FAT3: variants seen among roughly 807,000 people sequenced by gnomAD.
FAT3 encodes the protein FAT atypical cadherin 3, also known as protocadherin Fat 3.
FAT3 carries 95 observed loss-of-function variants against 310.2 expected under a neutral mutation model. That is an observed-to-expected ratio of 0.31 (90% confidence interval 0.26 to 0.36). The LOEUF (loss-of-function observed/expected upper bound fraction) is 0.36, where lower values mean the gene tolerates loss of function less well. Ranked by LOEUF, FAT3 falls within the 10% of genes least tolerant of loss-of-function variation. The probability of loss-of-function intolerance (pLI) is 1.00; values close to 1 mark genes in which losing one functional copy is unlikely to be tolerated. For synonymous variants in FAT3, 2,314 were observed against 2,192.9 expected, an observed-to-expected ratio of 1.06 and a Z score of -1.54; for missense variants, 5,408 against 5,715.6, an observed-to-expected ratio of 0.95 and a Z score of 1.74.
At chr11:92,335,001 A>G (rs1948023780) in intron 1 of FAT3, among the ~76,000 whole-genome samples, 1 of 152,206 alleles carries the variant, frequency 6.6e-6, no homozygotes, top group South Asian at 2.1e-4. Flanking sequence ...TGCATATATT[A>G]CAAAGGAGAA....
chr11:92,705,549 G>A (rs796967756), intron 4 of FAT3, among the ~76,000 whole-genome samples: 6 of 70,376 alleles, frequency 8.5e-5, no homozygotes, highest in African/African-American at 1.1e-4. Flanking sequence ...TGGTGTGATG[G>A]TGGTGGTGTG....
Position 92,354,422 on chromosome 11 carries a change from G to A in FAT3, c.2310G>A (p.Thr770=), listed in dbSNP as rs759460657. 11 of 1,613,844 alleles carry A rather than the reference G, an allele frequency of 6.8e-6. No homozygotes were observed. The highest frequency in any genetic ancestry group is 4.0e-5 in the African/African-American group (3 of 75,026). Residue 770 remains threonine (T), a synonymous_variant, in exon 2 of 28, where the codon ACG becomes ACA. Transcript: ENST00000525166. ...KVLFTISDGN[T]DSCFNIDMET... ...TATTTACAATATCAGATGGAAATAC[G>A]GATAGTTGCTTTAATATTGATATGG...
chr11:92,831,903 G>A lies in FAT3; in HGVS notation c.9763G>A (p.Val3255Ile), dbSNP rs1366873490. 1 of 1,611,632 alleles carries A rather than the reference G, an allele frequency of 6.2e-7. No individual in the cohort carries two copies. The highest frequency in any genetic ancestry group is 1.7e-5 in the Admixed American group (1 of 59,656). Residue 3255 changes from valine (V) to isoleucine (I), a missense_variant, in exon 14 of 28, where the codon GTC becomes ATC. Around this residue, in one of 5 missense-constraint regions of FAT3, gnomAD observed 4,588 missense variants for 4,809.8 expected, o/e 0.95. Transcript: ENST00000525166. ...VPEDTSPGTQ[V>I]LAVFATSKDI... is the part of the protein sequence containing the mutation. ...TGAGGACACCTCCCCTGGCACCCAA[G>A]TCCTTGCTGTTTTTGCCACCAGCAA...
At chr11:92,783,749 C>T (rs915101920) in intron 7 of FAT3, among the ~76,000 whole-genome samples, 30 of 152,134 alleles carry the variant, frequency 2.0e-4, no homozygotes, top group African/African-American at 5.8e-4. Flanking sequence ...TGTGCCACTG[C>T]GCTCCAGCCT....
chr11:92,382,692 C>G (rs554519137), intron 2 of FAT3, among the ~76,000 whole-genome samples: 88 of 152,288 alleles, frequency 5.8e-4, no homozygotes, highest in Middle Eastern at 6.8e-3. Flanking sequence ...CTTGAGATAT[C>G]TACAGTTCTA....
chr11:92,734,016 G>A (rs1038013088), intron 4 of FAT3, among the ~76,000 whole-genome samples: 1 of 152,184 alleles, frequency 6.6e-6, no homozygotes, highest in Admixed American at 6.5e-5. Context: ...ATGCCAGGAA[G>A]CTCTGGTTCC....
chr11:92,733,246 C>T (rs1243587065), intron 4 of FAT3, among the ~76,000 whole-genome samples: 1 of 152,186 alleles, frequency 6.6e-6, no homozygotes, highest in Non-Finnish European at 1.5e-5. Context: ...ATGAGTAAAA[C>T]AAGTCTACAT....
At chr11:92,627,775 G>A (rs755059745) in intron 3 of FAT3, among the ~76,000 whole-genome samples, 21 of 152,172 alleles carry the variant, frequency 1.4e-4, no homozygotes, top group South Asian at 2.1e-4. Context: ...AGTGATTACC[G>A]TGTAGAAAGC....
chr11:92,852,185 A>C (rs1273347577), intron 19 of FAT3, among the ~76,000 whole-genome samples: 2 of 152,214 alleles, frequency 1.3e-5, no homozygotes, highest in African/African-American at 4.8e-5. Context: ...CTCTAACAAT[A>C]TATATTTCAT....
chr11:92,246,254 T>C (rs1246467770), intron 1 of FAT3, among the ~76,000 whole-genome samples: 2 of 151,904 alleles, frequency 1.3e-5, no homozygotes, highest in Admixed American at 1.3e-4. Flanking sequence ...CAGGAAGGTT[T>C]TTAAGAGGCT....
intron 2 of FAT3, among the ~76,000 whole-genome samples, chr11:92,446,934 G>C (rs190422736): frequency 1.5e-3 from 221 of 152,238 alleles, no homozygotes; most frequent in African/African-American, 4.9e-3. Context: ...ATTTGAACTT[G>C]CAGTTTTATA....
intron 1 of FAT3, among the ~76,000 whole-genome samples, chr11:92,253,381 C>T (rs1591010910): frequency 6.6e-6 from 1 of 152,140 alleles, no homozygotes; most frequent in South Asian, 2.1e-4. Context: ...CTTGCTCTTA[C>T]CAATGTACTT....
At chr11:92,394,040 C>T (rs761311648) in intron 2 of FAT3, among the ~76,000 whole-genome samples, 3 of 152,118 alleles carry the variant, frequency 2.0e-5, no homozygotes, top group Non-Finnish European at 4.4e-5. Flanking sequence ...TATTCCTTTC[C>T]ACTCCTAGAA....
In FAT3 at chr11:92,605,847, C is replaced by T. The variant is rs914359857; in HGVS notation, c.3607+80899C>T. Among the ~76,000 whole-genome samples the T allele has an allele frequency of 2.7e-5, 4 of 148,622 alleles. No individual in the cohort carries two copies. The South Asian group carries it at 6.4e-4, about 24-fold the overall frequency. On this transcript the variant is annotated intron_variant, in intron 3 of 27. Coordinates refer to ENST00000525166, the MANE Select transcript of FAT3 (RefSeq NM_001367949.2). ...TGTTCCCAGTCTTCTGCCCCTGGTT[C>T]AGTGACGGATGTGTAATACTCCTGG...
rs533393611 is a variant in FAT3 at position 92,261,544 on chromosome 11, T to C, written c.-18+36370T>C. On this transcript the variant is annotated intron_variant, in intron 1 of 27. Coordinates refer to ENST00000525166, the MANE Select transcript of FAT3 (RefSeq NM_001367949.2). ...TTTAACTTGGCTATTTTCTTATATA[T>C]AGAATTTCTGTCCAAAAATCTAACT... Among the ~76,000 whole-genome samples, 9 of 152,250 alleles carry C rather than the reference T, an allele frequency of 5.9e-5. No homozygotes were observed. In the South Asian group the frequency reaches 1.9e-3, roughly 32 times the overall value.
chr11:92,271,962 A>T (rs1946133742), intron 1 of FAT3, among the ~76,000 whole-genome samples: 1 of 151,906 alleles, frequency 6.6e-6, no homozygotes, highest in Non-Finnish European at 1.5e-5. Context: ...CTTCTTTCTT[A>T]GTTTGGGGGT....
intron 21 of FAT3, among the ~76,000 whole-genome samples, chr11:92,860,959 A>G (rs1388428791): frequency 1.3e-5 from 2 of 152,252 alleles, no homozygotes; most frequent in Non-Finnish European, 2.9e-5. Context: ...AAAGGAAAGC[A>G]ATATTTTTAA....
chr11:92,539,921 G>A (rs111450871), intron 3 of FAT3, among the ~76,000 whole-genome samples: 212 of 152,296 alleles, frequency 1.4e-3, no homozygotes, highest in South Asian at 4.6e-3. Flanking sequence ...ATAGGGCCCT[G>A]TGCTTAGAAG....
chr11:92,389,888 T>C (rs771294058), intron 2 of FAT3, among the ~76,000 whole-genome samples: 3 of 152,180 alleles, frequency 2.0e-5, no homozygotes, highest in Non-Finnish European at 4.4e-5. Flanking sequence ...CCCCGTCTTA[T>C]GTATGGTCTC....
Sources: gnomAD v4.1 joint callset for allele counts (sites outside exome capture counted in the v4.1 genomes callset) on GRCh38, gnomAD v4.1.1 for gene constraint, gnomAD v4.1.1 regional missense constraint, MANE v1.5 for transcripts, NCBI Gene and HGNC (gene_info 2026-07-23, HGNC 2026-07-21) for gene names.